The following RIC1 variants were observed in gnomAD, a reference collection of about 807,000 sequenced individuals.
RIC1 encodes guanine nucleotide exchange factor subunit RIC1.
RIC1 carries 88 observed loss-of-function variants against 169.0 expected under a neutral mutation model. The observed-to-expected ratio is 0.52, with a 90% confidence interval of 0.44 to 0.62. RIC1 has a LOEUF of 0.62. RIC1 is among the 20% of genes least tolerant of loss of function. The pLI is 0.00. For missense variants in RIC1, 1,877 were observed against 1,725.5 expected (o/e 1.09, Z -1.56); for synonymous variants, 790 against 601.5 (o/e 1.31, Z -4.59).
In RIC1 at chr9:5,770,270, C is replaced by G; in HGVS notation, c.3608C>G (p.Ser1203Cys). 2 of 1,610,378 alleles carry G rather than the reference C, an allele frequency of 1.2e-6. No individual in the cohort carries two copies. Among genetic ancestry groups the G allele is most frequent in the Non-Finnish European group, 1.7e-6 (2 of 1,177,200 alleles). ...QMQDAFLSPLSNKGDECSIGS... is the reference protein window; with the variant it reads ...QMQDAFLSPLCNKGDECSIGS... ...CAAGATGCCTTCTTGTCACCTTTAT[C>G]TAATAAAGGTAAATGTAATTTTAAA... Residue 1203 changes from serine to cysteine, a missense_variant, in exon 23 of 26, where the codon TCT becomes TGT. Ser to Cys is a moderately radical substitution (Grantham distance 112). This residue lies in a region of RIC1 where 681 missense variants were observed against 582.0 expected (regional missense o/e 1.17). Coordinates refer to ENST00000414202, the MANE Select transcript of RIC1 (RefSeq NM_020829.4).
At chr9:5,644,596 C>G (rs1240212355) in intron 1 of RIC1, among the ~76,000 whole-genome samples, 4 of 152,072 alleles carry the variant, frequency 2.6e-5, no homozygotes, top group African/African-American at 9.7e-5. Flanking sequence ...GGTAGTATTC[C>G]TTTTTGTTGC....
At position 5,703,107 on chromosome 9, in the gene RIC1, C is replaced by G. The variant is rs553134292; in HGVS notation, c.333-10789C>G. On this transcript the variant is annotated intron_variant, in intron 3 of 25. Transcript: ENST00000414202. Reference sequence around the variant, plus strand: ...CACAAGAGTCCCCCAAAGTCTGAACCCATTCCAGCATTAACTCAAAAGTCC... The same window carrying G: ...CACAAGAGTCCCCCAAAGTCTGAACGCATTCCAGCATTAACTCAAAAGTCC... Among the ~76,000 whole-genome samples, 23 of 152,240 alleles carry G rather than the reference C, an allele frequency of 1.5e-4. No individual in the cohort carries two copies. In the East Asian group the frequency reaches 4.1e-3, roughly 27 times the overall value.
intron 1 of RIC1, among the ~76,000 whole-genome samples, chr9:5,646,666 C>A (rs538305950): frequency 6.6e-6 from 1 of 152,216 alleles, no homozygotes; most frequent in African/African-American, 2.4e-5. Context: ...CTGTGATGTT[C>A]ACATGATGAC....
chr9:5,655,042 T>C (rs1244110879), intron 1 of RIC1, among the ~76,000 whole-genome samples: 1 of 152,188 alleles, frequency 6.6e-6, no homozygotes, highest in African/African-American at 2.4e-5. Context: ...GACAGTTTTA[T>C]TTATTCCTTC....
intron 2 of RIC1, among the ~76,000 whole-genome samples, chr9:5,667,966 G>A (rs539065323): frequency 1.4e-3 from 207 of 152,278 alleles, no homozygotes; most frequent in African/African-American, 4.7e-3. Context: ...ATAAAGAACT[G>A]CCCAAGACTG....
At chr9:5,659,015 GA>G (rs1230161300) in intron 2 of RIC1, among the ~76,000 whole-genome samples, 5 of 152,020 alleles carry the variant, frequency 3.3e-5, no homozygotes, top group Non-Finnish European at 7.4e-5. Context: ...CAATTTTGAT[GA>G]TAGGGAAAAG....
At chr9:5,764,618 C>G (rs909791910) in intron 19 of RIC1, among the ~76,000 whole-genome samples, 1 of 152,158 alleles carries the variant, frequency 6.6e-6, no homozygotes, top group African/African-American at 2.4e-5. Context: ...AGCTTCTTTG[C>G]TTCATGACAA....
intron 1 of RIC1, among the ~76,000 whole-genome samples, chr9:5,645,008 T>G (rs1453426023): frequency 1.3e-5 from 2 of 152,254 alleles, no homozygotes; most frequent in African/African-American, 2.4e-5. Flanking sequence ...GCTTATTAGC[T>G]ATTTATATAT....
chr9:5,643,689 G>T (rs1344858755), intron 1 of RIC1, among the ~76,000 whole-genome samples: 2 of 152,104 alleles, frequency 1.3e-5, no homozygotes, highest in African/African-American at 4.8e-5. Flanking sequence ...TTTCCTATGT[G>T]ATTGTTTACT....
chr9:5,681,120 C>G (rs1820806986), intron 2 of RIC1, among the ~76,000 whole-genome samples: 1 of 152,034 alleles, frequency 6.6e-6, no homozygotes, highest in Non-Finnish European at 1.5e-5. Flanking sequence ...GCCACCGCGC[C>G]CGGCCGATTT....
At chr9:5,746,861 T>C (rs1437227369) in intron 11 of RIC1, among the ~76,000 whole-genome samples, 1 of 152,174 alleles carries the variant, frequency 6.6e-6, no homozygotes, top group African/African-American at 2.4e-5. Flanking sequence ...ATAGCCTGAA[T>C]TTCAGATCCA....
intron 3 of RIC1, among the ~76,000 whole-genome samples, chr9:5,710,181 T>C (rs1485760107): frequency 4.6e-5 from 7 of 152,182 alleles, no homozygotes; most frequent in Non-Finnish European, 1.0e-4. Flanking sequence ...CAGAAAGGCT[T>C]AGAGCTTAGA....
intron 13 of RIC1, 149 bp downstream of exon 13, chr9:5,753,387 G>T: frequency 1.2e-6 from 1 of 839,850 alleles, no homozygotes; most frequent in South Asian, 1.6e-5. Context: ...CTATAATTTT[G>T]TCAGATATAA....
chr9:5,631,710 A>C (rs1048090667), intron 1 of RIC1, among the ~76,000 whole-genome samples: 1 of 151,778 alleles, frequency 6.6e-6, no homozygotes, highest in African/African-American at 2.4e-5. Flanking sequence ...AAAAAAATCA[A>C]ATATTGAACC....
In RIC1 at chr9:5,742,799, A is replaced by G. The variant is rs1470893764; in HGVS notation, c.902-70A>G. On this transcript the variant is annotated intron_variant, in intron 8 of 25. Coordinates refer to ENST00000414202, the MANE Select transcript of RIC1 (RefSeq NM_020829.4). Reference sequence around the variant, plus strand: ...GATTTGAAAATACAGATTGTATTTGAAAAAAAAAAAAAAACAAGTATTTCT... The same window carrying G: ...GATTTGAAAATACAGATTGTATTTGGAAAAAAAAAAAAAACAAGTATTTCT... 63 of 668,182 alleles carry G rather than the reference A, an allele frequency of 9.4e-5. 1 individual carries two copies. The highest frequency in any genetic ancestry group is 1.2e-4 in the Non-Finnish European group (60 of 494,738). 41.4% of individuals were successfully genotyped at this position (668,182 alleles called of 1,614,324 possible). A position where few individuals can be genotyped will look rare whatever the true frequency, so the allele number is the denominator to read the frequency against.
intron 2 of RIC1, among the ~76,000 whole-genome samples, chr9:5,662,242 G>A (rs998551048): frequency 2.6e-5 from 4 of 152,130 alleles, no homozygotes; most frequent in Non-Finnish European, 4.4e-5. Flanking sequence ...GTATTTTGTT[G>A]AGAATTTTTG....
intron 2 of RIC1, among the ~76,000 whole-genome samples, chr9:5,667,914 C>T (rs937630523): frequency 6.6e-6 from 1 of 152,164 alleles, no homozygotes; most frequent in Non-Finnish European, 1.5e-5. Flanking sequence ...ACCCCACTCT[C>T]TGCAGTACCA....
In RIC1 at chr9:5,659,152, A is replaced by G. The variant is rs544445122; in HGVS notation, c.252+2462A>G. On this transcript the variant is annotated intron_variant, in intron 2 of 25. Transcript: ENST00000414202. ...ATGTTACAGTACAATATGTTAAAGA[A>G]CTATTCTTTTCCCATTGAACGGTCT... is the stretch of plus-strand genomic sequence containing the variant. 5.3e-5 allele frequency among the ~76,000 whole-genome samples: 8 copies of G among 152,220 alleles called. No individual in the cohort carries two copies. In the South Asian group the frequency reaches 1.7e-3, roughly 32 times the overall value.
chr9:5,699,163 G>A (rs72689489), intron 3 of RIC1, among the ~76,000 whole-genome samples: 41,767 of 152,100 alleles, frequency 0.27, 6,647 homozygotes, highest in East Asian at 0.61. Flanking sequence ...ACATCGATGA[G>A]GGAAAAAAAT....
Sources: gnomAD v4.1 joint callset for allele counts (sites outside exome capture counted in the v4.1 genomes callset) on GRCh38, gnomAD v4.1.1 for gene constraint, gnomAD v4.1.1 regional missense constraint, MANE v1.5 for transcripts, NCBI Gene and HGNC (gene_info 2026-07-23, HGNC 2026-07-21) for gene names.